RIMS2: variants seen among roughly 807,000 people sequenced by gnomAD.
RIMS2 encodes regulating synaptic membrane exocytosis protein 2.
In RIMS2, 59 loss-of-function variants were observed where a neutral mutation model predicts 174.4. The observed-to-expected ratio is 0.34, with a 90% CI of 0.27 to 0.42. RIMS2 has a LOEUF of 0.42. Among genes scored for constraint, RIMS2 ranks in the 10% least tolerant of loss-of-function variants. The pLI, the probability that RIMS2 is intolerant of heterozygous loss-of-function variation, is 1.00. For missense variants in RIMS2, 1,620 were observed against 1,666.3 expected, an observed-to-expected ratio of 0.97 and a Z score of 0.48; for synonymous variants, 606 against 572.5, an observed-to-expected ratio of 1.06 and a Z score of -0.84.
At chr8:104,068,694 T>G (rs1392558896) in intron 19 of RIMS2, 82 bp downstream of exon 23, 4 of 730,870 alleles carry the variant, frequency 5.5e-6, no homozygotes, top group African/African-American at 5.2e-5. Flanking sequence ...TAAATGCAGA[T>G]TAGTCAGACA....
chr8:103,885,850 G>A, exon 4 of RIMS2: 1 of 1,612,896 alleles, frequency 6.2e-7, no homozygotes, highest in Non-Finnish European at 8.5e-7. Context: ...GAACTCGAGA[G>A]GCTCAGGGAC....
At chr8:104,186,538 A>G (rs2098968868) in intron 19 of RIMS2, among the ~76,000 whole-genome samples, 1 of 151,768 alleles carries the variant, frequency 6.6e-6, no homozygotes, top group Non-Finnish European at 1.5e-5. Flanking sequence ...CAGTGTGCAG[A>G]AACAGTTGGG....
chr8:103,827,740 C>A (rs1012623138), intron 3 of RIMS2, among the ~76,000 whole-genome samples: 1 of 152,066 alleles, frequency 6.6e-6, no homozygotes, highest in African/African-American at 2.4e-5. Context: ...GAGGTTGAGG[C>A]AGGAGAATCG....
chr8:103,811,081 A>C (rs1281148445), intron 3 of RIMS2, among the ~76,000 whole-genome samples: 1 of 152,128 alleles, frequency 6.6e-6, no homozygotes, highest in East Asian at 1.9e-4. Flanking sequence ...GAGTTCTTGA[A>C]GTTCCAGGGC....
chr8:104,015,232 A>G (rs567614143), intron 19 of RIMS2, among the ~76,000 whole-genome samples: 3 of 152,342 alleles, frequency 2.0e-5, no homozygotes, highest in African/African-American at 7.2e-5. Context: ...CATTTTTTAA[A>G]TGATCCCTTT....
At chr8:104,067,570 G>T (rs1237211937) in intron 19 of RIMS2, among the ~76,000 whole-genome samples, 1 of 151,976 alleles carries the variant, frequency 6.6e-6, no homozygotes, top group South Asian at 2.1e-4. Context: ...TGTTGTTGTT[G>T]TTGTGGAGAC....
rs534624381 is a variant in RIMS2, at chr8:103,644,931, C to T, written c.177-52155C>T. Among the ~76,000 whole-genome samples, 28 of 152,038 alleles carry T rather than the reference C, an allele frequency of 1.8e-4. No individual in the cohort carries two copies. The South Asian group carries it at 5.0e-3, about 27-fold the overall frequency. On this transcript the variant is annotated intron_variant, in intron 1 of 23. Transcript: ENST00000504942. ...AGCAACATGATTTCTTGCAGATTCT[C>T]ACCCAGGAGTTCTTTAACAAGTAAA...
intron 14 of RIMS2, among the ~76,000 whole-genome samples, chr8:103,959,688 T>G (rs551185690): frequency 1.3e-5 from 2 of 152,126 alleles, no homozygotes; most frequent in South Asian, 4.1e-4. Context: ...CTTCCCAGAG[T>G]GCTAGGATTA....
intron 19 of RIMS2, among the ~76,000 whole-genome samples, chr8:104,220,164 C>T (rs1475453171): frequency 6.6e-6 from 1 of 152,188 alleles, no homozygotes; most frequent in Non-Finnish European, 1.5e-5. Context: ...TGCCAACACT[C>T]TTTCCTTAAA....
intron 19 of RIMS2, among the ~76,000 whole-genome samples, chr8:104,042,103 A>T (rs1490429215): frequency 6.6e-6 from 1 of 151,454 alleles, no homozygotes; most frequent in Non-Finnish European, 1.5e-5. Flanking sequence ...ATGTATGTAC[A>T]TGTATATACA....
intron 19 of RIMS2, among the ~76,000 whole-genome samples, chr8:104,136,914 T>C (rs1341630684): frequency 1.3e-5 from 2 of 152,162 alleles, no homozygotes; most frequent in African/African-American, 4.8e-5. Flanking sequence ...AGTTTACCTA[T>C]GTAACAACCT....
intron 19 of RIMS2, among the ~76,000 whole-genome samples, chr8:104,205,914 C>T (rs1230843605): frequency 6.6e-6 from 1 of 152,052 alleles, no homozygotes; most frequent in East Asian, 1.9e-4. Context: ...CACCATCACG[C>T]CCGGCTGATT....
chr8:104,019,017 G>A (rs1481858357), intron 19 of RIMS2, among the ~76,000 whole-genome samples: 1 of 151,964 alleles, frequency 6.6e-6, no homozygotes, highest in African/African-American at 2.4e-5. Context: ...GGCCAACATG[G>A]CAAAACCCCA....
chr8:103,514,875 G>T (rs1477690928), intron 1 of RIMS2, among the ~76,000 whole-genome samples: 1 of 151,224 alleles, frequency 6.6e-6, no homozygotes, highest in Non-Finnish European at 1.5e-5. Flanking sequence ...TTCAGCCTGG[G>T]CAACAGGGCA....
intron 1 of RIMS2, among the ~76,000 whole-genome samples, chr8:103,670,288 C>T (rs1363386107): frequency 6.6e-6 from 1 of 152,324 alleles, no homozygotes; most frequent in South Asian, 2.1e-4. Flanking sequence ...CCCACAAAAC[C>T]ATTTTTTTCC....
At chr8:103,789,161 G>A (rs1327769741) in intron 3 of RIMS2, among the ~76,000 whole-genome samples, 2 of 151,998 alleles carry the variant, frequency 1.3e-5, no homozygotes, top group African/African-American at 4.8e-5. Flanking sequence ...ACTGACCTGC[G>A]CCCACTGTCT....
intron 3 of RIMS2, among the ~76,000 whole-genome samples, chr8:103,792,637 GTTTT>G (rs57893772): frequency 3.3e-4 from 46 of 137,568 alleles, no homozygotes; most frequent in African/African-American, 6.9e-4. Flanking sequence ...CCAGGAGCTG[GTTTT>G]TTTTTTTTTT....
intron 3 of RIMS2, among the ~76,000 whole-genome samples, chr8:103,777,602 A>G (rs904104979): frequency 1.3e-5 from 2 of 151,982 alleles, no homozygotes; most frequent in Non-Finnish European, 2.9e-5. Context: ...TGGTGATGAA[A>G]ATACAGTTGA....
At chr8:104,251,197 A>C in intron 23 of RIMS2, 34 bp downstream of exon 29, 5 of 1,554,708 alleles carry the variant, frequency 3.2e-6, no homozygotes, top group Non-Finnish European at 4.4e-6. Context: ...TTACCTAAGA[A>C]AGTATTTTTC....
Sources: allele counts gnomAD v4.1 joint callset (sites outside exome capture counted in the v4.1 genomes callset), GRCh38; gene constraint gnomAD v4.1.1; transcripts MANE v1.5; gene names NCBI Gene and HGNC (gene_info 2026-07-23, HGNC 2026-07-21).